Variants in DCDC1 observed in about 807,000 individuals in gnomAD.
DCDC1 encodes doublecortin domain containing 1.
Under a neutral mutation model 178.3 loss-of-function variants are expected in DCDC1, and 200 were observed. The observed-to-expected ratio is 1.12, with a 90% confidence interval of 1.00 to 1.26. The LOEUF (loss-of-function observed/expected upper bound fraction) is 1.26, where lower values mean the gene tolerates loss of function less well. Ranked by LOEUF, DCDC1 falls within the 50% of genes most tolerant of loss-of-function variation. DCDC1 has a pLI of 0.00. For synonymous variants in DCDC1, 690 were observed against 604.8 expected, an observed-to-expected ratio of 1.14 and a Z score of -2.07; for missense variants, 1,983 against 1,749.2, an observed-to-expected ratio of 1.13 and a Z score of -2.38.
intron 25 of DCDC1, among the ~76,000 whole-genome samples, chr11:30,917,419 C>T (rs1056081889): frequency 3.3e-5 from 5 of 152,278 alleles, no homozygotes; most frequent in Non-Finnish European, 5.9e-5. Flanking sequence ...AACAGTACAG[C>T]CTAGATTACC....
At chr11:31,342,019 A>G (rs1950578387) in intron 1 of DCDC1, among the ~76,000 whole-genome samples, 1 of 152,212 alleles carries the variant, frequency 6.6e-6, no homozygotes, top group Non-Finnish European at 1.5e-5. Context: ...GATGTGGGTC[A>G]GCAAGAAGCT....
chr11:31,365,114 C>A (rs1591875123), intron 1 of DCDC1, among the ~76,000 whole-genome samples: 1 of 152,234 alleles, frequency 6.6e-6, no homozygotes, highest in African/African-American at 2.4e-5. Flanking sequence ...ATAAACTAAG[C>A]TTTTGACAGG....
chr11:31,156,986 T>C (rs1270457181), intron 9 of DCDC1, among the ~76,000 whole-genome samples: 1 of 152,192 alleles, frequency 6.6e-6, no homozygotes, highest in Non-Finnish European at 1.5e-5. Context: ...GATAAAAATA[T>C]AGAAATAATG....
At chr11:30,986,419 G>A (rs1202222359) in intron 20 of DCDC1, among the ~76,000 whole-genome samples, 1 of 149,690 alleles carries the variant, frequency 6.7e-6, no homozygotes, top group East Asian at 2.0e-4. Flanking sequence ...TGTAAGCTCC[G>A]CCTCCTGGGT....
intron 20 of DCDC1, among the ~76,000 whole-genome samples, chr11:31,035,839 T>C (rs1428148987): frequency 6.6e-6 from 1 of 152,284 alleles, no homozygotes; most frequent in Non-Finnish European, 1.5e-5. Flanking sequence ...TCTACATTTA[T>C]AACTGGAATT....
In DCDC1 at chr11:31,178,137, A is replaced by G. The variant is rs146686276; in HGVS notation, c.1222-40353T>C. On this transcript the variant is annotated intron_variant, in intron 9 of 38. Coordinates refer to ENST00000684477, the MANE Select transcript of DCDC1 (RefSeq NM_001387274.1). The stretch of plus-strand genomic sequence containing the variant: ...AACAGATCACATGTTAGGCCACAAA[A>G]CAAGTTGTAACCAGCTATATTACTA... Among the ~76,000 whole-genome samples the G allele has an allele frequency of 2.0e-5, 3 of 152,322 alleles. No homozygotes were observed. In the East Asian group the frequency reaches 5.8e-4, roughly 29 times the overall value.
intron 15 of DCDC1, among the ~76,000 whole-genome samples, chr11:31,099,046 C>T (rs1002942152): frequency 4.6e-5 from 7 of 152,120 alleles, no homozygotes; most frequent in African/African-American, 1.7e-4. Context: ...CATTTTTCAA[C>T]ATTTTAGAAA....
In DCDC1 at chr11:31,185,221, G is replaced by A. The variant is rs111981075; in HGVS notation, c.1222-47437C>T. On this transcript the variant is annotated intron_variant, in intron 9 of 38. Transcript: ENST00000684477. ...GGGAGTTGAACAATGAGAACACAGGGACACAGGGAGGAGAACATCACACAC... is the reference window on the plus strand; with the variant it reads ...GGGAGTTGAACAATGAGAACACAGGAACACAGGGAGGAGAACATCACACAC... Among the ~76,000 whole-genome samples the A allele has an allele frequency of 8.2e-3, 1,254 of 152,218 alleles. 22 individuals are homozygous for A. The highest frequency in any genetic ancestry group is 0.029 in the African/African-American group (1,201 of 41,528).
chr11:31,178,849 C>T (rs755691964), intron 9 of DCDC1, among the ~76,000 whole-genome samples: 8 of 151,998 alleles, frequency 5.3e-5, no homozygotes, highest in Non-Finnish European at 1.0e-4. Context: ...CCTGCCACCA[C>T]ACCTGGCTAA....
chr11:31,119,163 G>C (rs761537340), intron 11 of DCDC1, among the ~76,000 whole-genome samples: 1 of 152,124 alleles, frequency 6.6e-6, no homozygotes, highest in Non-Finnish European at 1.5e-5. Flanking sequence ...TAAAGGCTTC[G>C]TAGGATCTGT....
chr11:31,098,752 C>T (rs1435151603), intron 15 of DCDC1, among the ~76,000 whole-genome samples: 1 of 152,084 alleles, frequency 6.6e-6, no homozygotes, highest in East Asian at 1.9e-4. Context: ...TTACTATTCC[C>T]AATGCACTGA....
At chr11:31,126,924 T>C (rs937186612) in intron 11 of DCDC1, among the ~76,000 whole-genome samples, 2 of 152,200 alleles carry the variant, frequency 1.3e-5, no homozygotes, top group African/African-American at 2.4e-5. Context: ...AGCGATCTTG[T>C]CCTGACAAAT....
intron 9 of DCDC1, among the ~76,000 whole-genome samples, chr11:31,175,507 T>G (rs1462243831): frequency 6.6e-6 from 1 of 152,122 alleles, no homozygotes; most frequent in Non-Finnish European, 1.5e-5. Flanking sequence ...CAAGCATACA[T>G]GTGTTCGTAC....
chr11:31,283,808 G>A (rs1249320401), intron 7 of DCDC1, among the ~76,000 whole-genome samples: 1 of 152,100 alleles, frequency 6.6e-6, no homozygotes. Context: ...GACATGAGGG[G>A]ATGCTTACAC....
intron 4 of DCDC1, among the ~76,000 whole-genome samples, chr11:31,307,040 C>A (rs193236731): frequency 3.0e-4 from 46 of 152,180 alleles, no homozygotes; most frequent in African/African-American, 1.1e-3. Context: ...CTTCATAATT[C>A]TCTAACTAAC....
intron 21 of DCDC1, among the ~76,000 whole-genome samples, chr11:30,937,492 C>G (rs1457113105): frequency 6.6e-6 from 1 of 152,168 alleles, no homozygotes; most frequent in Non-Finnish European, 1.5e-5. Context: ...CTTGTAACAT[C>G]CACTCATAGT....
At chr11:31,012,716 T>C (rs940089102) in intron 20 of DCDC1, among the ~76,000 whole-genome samples, 8 of 152,038 alleles carry the variant, frequency 5.3e-5, no homozygotes, top group African/African-American at 1.9e-4. Context: ...ATCCAGGAAT[T>C]AAACTGAATT....
At chr11:31,200,219 G>T (rs1971128141) in intron 9 of DCDC1, among the ~76,000 whole-genome samples, 1 of 151,912 alleles carries the variant, frequency 6.6e-6, no homozygotes, top group East Asian at 1.9e-4. Context: ...TACAAAAAAA[G>T]TTTAAATTAA....
At chr11:31,295,275 T>G (rs987635971) in intron 6 of DCDC1, among the ~76,000 whole-genome samples, 1 of 152,218 alleles carries the variant, frequency 6.6e-6, no homozygotes, top group Non-Finnish European at 1.5e-5. Context: ...AGCTCTTTTT[T>G]TCTGAGTATT....
Sources: gnomAD v4.1 joint callset for allele counts (sites outside exome capture counted in the v4.1 genomes callset) on GRCh38, gnomAD v4.1.1 for gene constraint, MANE v1.5 for transcripts, NCBI Gene and HGNC (gene_info 2026-07-23, HGNC 2026-07-21) for gene names.